COL25A1: variants seen among roughly 807,000 people sequenced by gnomAD.
COL25A1 encodes the protein collagen type XXV alpha 1 chain.
A neutral mutation model predicts 128.4 loss-of-function variants in COL25A1; 103 were observed. The observed-to-expected ratio is 0.80, with a 90% CI of 0.68 to 0.94. COL25A1 has a LOEUF of 0.94. Ranked by LOEUF, COL25A1 falls within the 40% of genes least tolerant of loss-of-function variation. The pLI, the probability that COL25A1 is intolerant of heterozygous loss-of-function variation, is 0.00. For synonymous variants in COL25A1, 279 were observed against 277.2 expected (o/e 1.01, Z -0.06); for missense variants, 745 against 840.0 (o/e 0.89, Z 1.40).
chr4:109,048,209 G>C, intron 4 of COL25A1, 34 bp from the exon 5 acceptor site: 1 of 1,601,042 alleles, frequency 6.2e-7, no homozygotes, highest in Non-Finnish European at 8.6e-7. Context: ...AGAAGAGAGA[G>C]AGAGGAGTTA....
chr4:108,940,525 A>T lies in COL25A1; in HGVS notation c.672+14T>A. Reference sequence around the variant, plus strand: ...CAAAACGTGTGAGAATAAGTGATCCAAAAAGCGACTCACGGGTACTCCTGG... The same window carrying T: ...CAAAACGTGTGAGAATAAGTGATCCTAAAAGCGACTCACGGGTACTCCTGG... On this transcript the variant is annotated intron_variant, in intron 10 of 37. Transcript: ENST00000399132. The T allele has an allele frequency of 6.2e-7, 1 of 1,606,518 alleles. No homozygotes were observed. The highest frequency in any genetic ancestry group is 8.5e-7 in the Non-Finnish European group (1 of 1,173,162).
chr4:109,200,793 A>C (rs1293567188), intron 3 of COL25A1, among the ~76,000 whole-genome samples: 3 of 151,702 alleles, frequency 2.0e-5, no homozygotes, highest in Non-Finnish European at 4.4e-5. Context: ...GTTAGTTCTT[A>C]TTTCTCTATG....
At chr4:108,971,325 A>G (rs1441077006) in intron 8 of COL25A1, among the ~76,000 whole-genome samples, 4 of 152,212 alleles carry the variant, frequency 2.6e-5, no homozygotes, top group African/African-American at 9.6e-5. Context: ...GGTATGAACA[A>G]GACAGAGAAG....
chr4:109,087,782 C>T (rs1033592399), intron 3 of COL25A1, among the ~76,000 whole-genome samples: 1 of 152,094 alleles, frequency 6.6e-6, no homozygotes, highest in African/African-American at 2.4e-5. Context: ...TACAAAATCT[C>T]ACCTGTATTT....
intron 11 of COL25A1, 142 bp downstream of exon 11, chr4:108,937,666 G>A: frequency 3.4e-6 from 2 of 593,326 alleles, no homozygotes; most frequent in South Asian, 5.1e-5. Flanking sequence ...GCATGTAGTA[G>A]GCCATATTAC....
At chr4:108,985,182 G>T (rs1753543474) in intron 6 of COL25A1, among the ~76,000 whole-genome samples, 1 of 152,124 alleles carries the variant, frequency 6.6e-6, no homozygotes, top group Admixed American at 6.5e-5. Flanking sequence ...AATCTTCAGA[G>T]TCTTCTGTAC....
At chr4:109,255,634 TTTAAAAA>T (rs33944676) in intron 3 of COL25A1, among the ~76,000 whole-genome samples, 14,451 of 152,028 alleles carry the variant, frequency 0.095, 910 homozygotes, top group East Asian at 0.29. Context: ...CTAGACTCTT[TTTAAAAA>T]CCTCTTTCCC....
intron 36 of COL25A1, 25 bp downstream of exon 36, chr4:108,819,227 G>A: frequency 6.4e-7 from 1 of 1,556,140 alleles, no homozygotes; most frequent in Non-Finnish European, 8.8e-7. Flanking sequence ...TGCATGCAGG[G>A]TGGTAGGAAA....
At chr4:109,047,728 CTTTT>C (rs59105153) in intron 5 of COL25A1, among the ~76,000 whole-genome samples, 66,781 of 132,310 alleles carry the variant, frequency 0.5, 17,856 homozygotes, top group African/African-American at 0.71. Context: ...TAAGTATACT[CTTTT>C]TTTTTTTTTT....
intron 3 of COL25A1, among the ~76,000 whole-genome samples, chr4:109,058,432 C>T (rs1398379161): frequency 1.3e-5 from 2 of 151,990 alleles, no homozygotes; most frequent in Admixed American, 1.3e-4. Flanking sequence ...AAACAGTTTC[C>T]AAGCTTGCAG....
At chr4:109,257,500 A>C (rs1781157747) in intron 3 of COL25A1, among the ~76,000 whole-genome samples, 1 of 152,244 alleles carries the variant, frequency 6.6e-6, no homozygotes, top group African/African-American at 2.4e-5. Flanking sequence ...AACTAAAAAG[A>C]AATACTTGGA....
At chr4:109,055,767 T>C (rs1203221721) in intron 3 of COL25A1, among the ~76,000 whole-genome samples, 4 of 152,220 alleles carry the variant, frequency 2.6e-5, no homozygotes, top group Non-Finnish European at 5.9e-5. Context: ...AAAGGGGCAC[T>C]GTCTATGAGC....
chr4:109,114,253 C>T (rs965857110), intron 3 of COL25A1, among the ~76,000 whole-genome samples: 4 of 151,958 alleles, frequency 2.6e-5, no homozygotes, highest in African/African-American at 7.3e-5. Context: ...TGATAATTAA[C>T]CTTTAATTAT....
intron 6 of COL25A1, among the ~76,000 whole-genome samples, chr4:108,982,661 T>C (rs1473242108): frequency 6.6e-6 from 1 of 152,094 alleles, no homozygotes; most frequent in Non-Finnish European, 1.5e-5. Context: ...AGCTTCAGAC[T>C]TTACACCTTT....
rs192431780 is a variant in COL25A1, at chr4:109,001,104, C to G, written c.438+9254G>C. 1.8e-3 allele frequency among the ~76,000 whole-genome samples: 277 copies of G among 152,200 alleles called. 1 individual carries two copies. The highest frequency in any genetic ancestry group is 6.4e-3 in the African/African-American group (264 of 41,506). ...GAGGATTTGAATGTCAAGCAAGAAT[C>G]TAGATTCTATTGTATTCTAAATGAA... On this transcript the variant is annotated intron_variant, in intron 6 of 37. Transcript: ENST00000399132.
chr4:109,211,811 C>T (rs1226133055), intron 3 of COL25A1, among the ~76,000 whole-genome samples: 1 of 152,084 alleles, frequency 6.6e-6, no homozygotes, highest in Non-Finnish European at 1.5e-5. Context: ...ACTGGAGCTT[C>T]CACCTGCTAT....
At chr4:108,973,689 A>C (rs1752138585) in intron 8 of COL25A1, among the ~76,000 whole-genome samples, 1 of 152,208 alleles carries the variant, frequency 6.6e-6, no homozygotes, top group Non-Finnish European at 1.5e-5. Context: ...TCATTGAAAC[A>C]GTATGTCTGA....
intron 16 of COL25A1, among the ~76,000 whole-genome samples, chr4:108,892,175 G>A (rs1011918795): frequency 4.6e-5 from 7 of 152,068 alleles, no homozygotes; most frequent in Non-Finnish European, 1.0e-4. Context: ...ATTAAAGTAG[G>A]GGGAAAAACC....
intron 4 of COL25A1, 83 bp from the exon 5 acceptor site, chr4:109,048,258 A>G: frequency 1.5e-6 from 2 of 1,313,792 alleles, no homozygotes; most frequent in Non-Finnish European, 1.1e-6. Context: ...AAAAGATATG[A>G]GCATAATCAT....
Sources: allele counts gnomAD v4.1 joint callset (sites outside exome capture counted in the v4.1 genomes callset), GRCh38; gene constraint gnomAD v4.1.1; transcripts MANE v1.5; gene names NCBI Gene and HGNC (gene_info 2026-07-23, HGNC 2026-07-21).